EPG5: variants seen among roughly 807,000 people sequenced by gnomAD.
EPG5 encodes the protein ectopic P-granules 5 autophagy tethering factor, also known as ectopic P granules protein 5 homolog.
A neutral mutation model predicts 302.7 loss-of-function variants in EPG5; 159 were observed. That is an observed-to-expected ratio of 0.53 (90% CI 0.46 to 0.60). The LOEUF (loss-of-function observed/expected upper bound fraction) is 0.60, where lower values mean the gene tolerates loss of function less well. Ranked by LOEUF, EPG5 falls within the 20% of genes least tolerant of loss-of-function variation. EPG5 has a pLI of 0.00. For missense variants in EPG5, 2,896 were observed against 3,092.4 expected (o/e 0.94, Z 1.51); for synonymous variants, 1,158 against 1,136.8 (o/e 1.02, Z -0.37).
the EPG5 span, among the ~76,000 whole-genome samples, chr18:45,809,932 T>C: frequency 6.6e-6 from 1 of 152,060 alleles, no homozygotes; most frequent in African/African-American, 2.4e-5. Context: ...AACAAAAGCC[T>C]GGTTCTTTAA....
chr18:45,929,729 T>C (rs969747521), intron 12 of EPG5, among the ~76,000 whole-genome samples: 5 of 152,226 alleles, frequency 3.3e-5, no homozygotes, highest in African/African-American at 9.6e-5. Context: ...TGTGAAAATA[T>C]GTCTTCTCTC....
chr18:45,895,847 C>G (rs1189391853), intron 27 of EPG5, among the ~76,000 whole-genome samples: 2 of 152,186 alleles, frequency 1.3e-5, no homozygotes, highest in African/African-American at 4.8e-5. Context: ...GTCATAAACA[C>G]TGAGAACTCA....
At chr18:45,965,786 G>A (rs1362191467) in intron 1 of EPG5, among the ~76,000 whole-genome samples, 1 of 152,230 alleles carries the variant, frequency 6.6e-6, no homozygotes, top group Admixed American at 6.5e-5. Flanking sequence ...GGGCGCGGTG[G>A]CTCACGCCTG....
At chr18:45,837,465 G>C in the EPG5 span, 1 of 1,426,306 alleles carries the variant, frequency 7.0e-7, no homozygotes, top group Non-Finnish European at 9.1e-7. Context: ...GGGTGCGGGC[G>C]CCTCGACCCC....
chr18:45,937,251 C>T (rs969712801), intron 10 of EPG5, among the ~76,000 whole-genome samples: 166 of 107,812 alleles, frequency 1.5e-3, no homozygotes, highest in Non-Finnish European at 2.4e-3. Flanking sequence ...CACACACACA[C>T]ACACACACAC....
In EPG5 at chr18:45,851,897, C is replaced by T. The variant is rs1195961927; in HGVS notation, c.*570G>A. On this transcript the variant is annotated 3_prime_UTR_variant, in exon 44 of 44. Coordinates refer to ENST00000282041, the MANE Select transcript of EPG5 (RefSeq NM_020964.3). ...CCCACTATAATCACGATCAAGTGGT[C>T]GTATTTTACACATGACCCACTTTAA... 5 of 152,276 alleles carry T rather than the reference C, an allele frequency of 3.3e-5. No individual in the cohort carries two copies. The highest frequency in any genetic ancestry group is 1.2e-4 in the African/African-American group (5 of 41,438). The allele number at this position is 152,276 out of a possible 1,614,324, so 9.4% of individuals were successfully genotyped here. A position where few individuals can be genotyped will look rare whatever the true frequency, so the allele number is the denominator to read the frequency against.
At chr18:45,907,930 A>C (rs2049795233) in intron 24 of EPG5, 28 bp downstream of exon 24, 1 of 1,539,748 alleles carries the variant, frequency 6.5e-7, no homozygotes, top group Non-Finnish European at 8.6e-7. Flanking sequence ...TAAAAAAAAA[A>C]AAAAAAAAAG....
At chr18:45,965,431 G>A (rs914217901) in intron 1 of EPG5, among the ~76,000 whole-genome samples, 1 of 151,944 alleles carries the variant, frequency 6.6e-6, no homozygotes, top group Admixed American at 6.6e-5. Context: ...ACCTCCACTT[G>A]TACCCTCTAA....
At chr18:45,816,436 A>G in the EPG5 span, among the ~76,000 whole-genome samples, 1 of 152,194 alleles carries the variant, frequency 6.6e-6, no homozygotes, top group Non-Finnish European at 1.5e-5. Context: ...TCAGCAAGAA[A>G]AAAACAAACA....
At chr18:45,941,500 C>T (rs2050667247) in intron 9 of EPG5, among the ~76,000 whole-genome samples, 1 of 152,024 alleles carries the variant, frequency 6.6e-6, no homozygotes, top group African/African-American at 2.4e-5. Flanking sequence ...GGAAATTGTT[C>T]TGCAATTAGA....
chr18:45,925,787 T>C lies in EPG5; in HGVS notation c.2669A>G (p.Lys890Arg), dbSNP rs2050254392. ...LNYNLTVVKN[K>R]LACVILEGLN... ...TCCTTCAAGAATAACACAGGCCAGTTTATTCTTCACCACTGTCAGGTTGTA... is the reference window on the plus strand; with the variant it reads ...TCCTTCAAGAATAACACAGGCCAGTCTATTCTTCACCACTGTCAGGTTGTA... The change falls in exon 14 of 44, where the codon AAA becomes AGA. Residue 890 changes from lysine (K) to arginine (R), a missense_variant. Coordinates refer to ENST00000282041, the MANE Select transcript of EPG5 (RefSeq NM_020964.3). The C allele has an allele frequency of 1.3e-6, 2 of 1,573,762 alleles. No individual in the cohort carries two copies. The highest frequency in any genetic ancestry group is 1.7e-6 in the Non-Finnish European group (2 of 1,163,658).
At chr18:45,961,700 A>G (rs1000995612) in intron 1 of EPG5, among the ~76,000 whole-genome samples, 8 of 152,100 alleles carry the variant, frequency 5.3e-5, no homozygotes, top group African/African-American at 1.4e-4. Context: ...TACTAAAAGT[A>G]AAAAAACATT....
chr18:45,812,499 C>T, the EPG5 span, among the ~76,000 whole-genome samples: 3 of 152,174 alleles, frequency 2.0e-5, no homozygotes, highest in Admixed American at 6.5e-5. Context: ...GGAGGCATCA[C>T]ACTACCTGAC....
At chr18:45,948,251 T>C (rs972918813) in intron 6 of EPG5, among the ~76,000 whole-genome samples, 8 of 152,248 alleles carry the variant, frequency 5.3e-5, no homozygotes, top group African/African-American at 1.9e-4. Flanking sequence ...CTTTTTTGTC[T>C]GTAGCACCTT....
At chr18:45,910,393 G>A (rs570341104) in intron 23 of EPG5, 128 bp downstream of exon 23, 140 of 667,322 alleles carry the variant, frequency 2.1e-4, no homozygotes, top group Non-Finnish European at 3.2e-4. Flanking sequence ...CTATATCAAA[G>A]CCACCTTCCA....
At chr18:45,926,410 T>C (rs2050269476) in intron 13 of EPG5, among the ~76,000 whole-genome samples, 1 of 152,228 alleles carries the variant, frequency 6.6e-6, no homozygotes, top group Admixed American at 6.5e-5. Context: ...TAGGCCATTA[T>C]ACCATACTAT....
intron 27 of EPG5, 96 bp downstream of exon 27, chr18:45,899,308 G>T: frequency 7.3e-7 from 1 of 1,379,294 alleles, no homozygotes. Flanking sequence ...GACACAGACA[G>T]TGTGCTATAT....
At chr18:45,841,874 G>C in the EPG5 span, among the ~76,000 whole-genome samples, 1 of 152,112 alleles carries the variant, frequency 6.6e-6, no homozygotes, top group Non-Finnish European at 1.5e-5. Flanking sequence ...CAGTCTTGAG[G>C]CCTCAGACAG....
the EPG5 span, among the ~76,000 whole-genome samples, chr18:45,812,595 G>A: frequency 2.5e-4 from 38 of 152,028 alleles, no homozygotes; most frequent in Middle Eastern, 3.4e-3. Flanking sequence ...AACAGAACAG[G>A]GCCCTCAGAA....
Sources: gnomAD v4.1 joint callset for allele counts (sites outside exome capture counted in the v4.1 genomes callset) on GRCh38, gnomAD v4.1.1 for gene constraint, MANE v1.5 for transcripts, NCBI Gene and HGNC (gene_info 2026-07-23, HGNC 2026-07-21) for gene names.